Variants in PTPMT1 observed in about 807,000 individuals in gnomAD.
The protein encoded by PTPMT1 is protein tyrosine phosphatase mitochondrial 1, also known as phosphatidylglycerophosphatase and protein-tyrosine phosphatase 1.
Under a neutral mutation model 17.8 loss-of-function variants are expected in PTPMT1, and 12 were observed. That is an observed-to-expected ratio of 0.67 (90% CI 0.43 to 1.09). The LOEUF is 1.09. Among genes scored for constraint, PTPMT1 ranks in the 50% least tolerant of loss-of-function variants. The pLI is 0.00. For synonymous variants in PTPMT1, 132 were observed against 116.8 expected, an observed-to-expected ratio of 1.13 and a Z score of -0.84; for missense variants, 262 against 266.0, an observed-to-expected ratio of 0.99 and a Z score of 0.10.
chr11:47,568,737 G>A (rs757255780), intron 2 of PTPMT1, among the ~76,000 whole-genome samples: 28 of 151,974 alleles, frequency 1.8e-4, no homozygotes, highest in Non-Finnish European at 2.9e-5. Context: ...TGTCTCCCAG[G>A]CTGGAGTACA....
chr11:47,566,974 T>G, intron 2 of PTPMT1, among the ~76,000 whole-genome samples: 1 of 152,242 alleles, frequency 6.6e-6, no homozygotes, highest in Admixed American at 6.5e-5. Flanking sequence ...GATTTTTTTT[T>G]AATGTTGCCC....
Position 47,565,812 on chromosome 11 carries a change from G to A in PTPMT1, c.174+16G>A, listed in dbSNP as rs772090703. 40 of 1,586,076 alleles carry A rather than the reference G, an allele frequency of 2.5e-5. No individual in the cohort carries two copies. Among genetic ancestry groups the A allele is most frequent in the Middle Eastern group, 3.5e-4 (2 of 5,752 alleles). ...GACGCGCCAGGTGAGCCGGGCCGGGGAGCCCGGGCCCCTGCCCCGTCCCCG... is the reference window on the plus strand; with the variant it reads ...GACGCGCCAGGTGAGCCGGGCCGGGAAGCCCGGGCCCCTGCCCCGTCCCCG... On this transcript the variant is annotated intron_variant, in intron 1 of 3. Transcript: ENST00000326674.
Position 47,567,595 on chromosome 11 carries a change from C to G in PTPMT1, c.255+1609C>G, listed in dbSNP as rs181490694. The stretch of plus-strand genomic sequence containing the variant: ...TTTTTTTTTGAGATGGAGTCTCACT[C>G]CCTTGCCCAGGCTGGAGTGCAATGG... On this transcript the variant is annotated intron_variant, in intron 2 of 3. Coordinates refer to ENST00000326674, the MANE Select transcript of PTPMT1 (RefSeq NM_175732.3). Among the ~76,000 whole-genome samples, 805 of 133,356 alleles carry G rather than the reference C, an allele frequency of 6.0e-3. 8 individuals carry two copies. The highest frequency in any genetic ancestry group is 0.021 in the African/African-American group (758 of 36,578). The allele number at this position is 133,356 out of a possible 152,430, so 87.5% of individuals were successfully genotyped here.
Position 47,571,035 on chromosome 11 carries a change from A to G in PTPMT1, c.448-436A>G, listed in dbSNP as rs146751892. ...ATCCTTAGGACATGTTAACCCTCCT[A>G]TTTAAATTATGAGTTACTTGTTTTT... On this transcript the variant is annotated intron_variant, in intron 3 of 3. Transcript: ENST00000326674. Among the ~76,000 whole-genome samples, 290 of 152,302 alleles carry G rather than the reference A, an allele frequency of 1.9e-3. 1 individual carries two copies. The highest frequency in any genetic ancestry group is 0.014 in the Middle Eastern group (4 of 294).
At position 47,572,798 on chromosome 11, in the gene PTPMT1, C is replaced by T. The variant is rs1014615016; in HGVS notation, c.*1169C>T. On this transcript the variant is annotated 3_prime_UTR_variant, in exon 4 of 4. Transcript: ENST00000326674. The stretch of plus-strand genomic sequence containing the variant: ...CCCAAACAGAACACCTCCATGGATT[C>T]AGGGAAGGGCTGAGGCACTGCCTTT... 30 of 940,942 alleles carry T rather than the reference C, an allele frequency of 3.2e-5. No individual in the cohort carries two copies. The Admixed American group carries it at 7.7e-4, about 24-fold the overall frequency. The allele number at this position is 940,942 out of a possible 1,614,324, so 58.3% of individuals were successfully genotyped here. A position where few individuals can be genotyped will look rare whatever the true frequency, so the allele number is the denominator to read the frequency against.
Position 47,569,687 on chromosome 11 carries a change from G to A in PTPMT1, c.256-13G>A. On this transcript the variant is annotated splice_polypyrimidine_tract_variant and intron_variant, in intron 2 of 3. Transcript: ENST00000326674. ...TTTCATTCTCTTTTTCATACTGGTG[G>A]ACCTGGTTCCAGGAGTGGAAGAGAC... 1 of 1,589,688 alleles carries A rather than the reference G, an allele frequency of 6.3e-7. No individual in the cohort carries two copies. Among genetic ancestry groups the A allele is most frequent in the Non-Finnish European group, 8.6e-7 (1 of 1,167,166 alleles).
At chr11:47,565,864 G>C (rs867374844) in intron 1 of PTPMT1, 42 bp from the exon 2 acceptor site, 14 of 1,610,600 alleles carry the variant, frequency 8.7e-6, no homozygotes, top group African/African-American at 8.0e-5. Context: ...GGGCCGCTGG[G>C]GTCTCCACCG....
chr11:47,568,005 C>T (rs2097247245), intron 2 of PTPMT1, among the ~76,000 whole-genome samples: 2 of 151,996 alleles, frequency 1.3e-5, no homozygotes, highest in African/African-American at 4.8e-5. Context: ...CTGCAAGCTC[C>T]GCCTCCTGGG....
At chr11:47,571,408 G>A in intron 3 of PTPMT1, 63 bp from the exon 4 acceptor site, 1 of 1,522,572 alleles carries the variant, frequency 6.6e-7, no homozygotes, top group Non-Finnish European at 9.0e-7. Context: ...CTGCTCATGG[G>A]TCAAGGGCAC....
At chr11:47,570,300 T>G (rs1026960250) in intron 3 of PTPMT1, among the ~76,000 whole-genome samples, 18 of 152,242 alleles carry the variant, frequency 1.2e-4, no homozygotes, top group Admixed American at 7.8e-4. Flanking sequence ...GTGCTTGATT[T>G]CAGGCTGTTG....
chr11:47,573,331 C>T lies in PTPMT1; in HGVS notation c.*1702C>T, dbSNP rs777150629. On this transcript the variant is annotated 3_prime_UTR_variant, in exon 4 of 4. Transcript: ENST00000326674. The surrounding 1 kb of genome is among the most constrained non-coding windows in gnomAD (Gnocchi z 4.1). ...GTAAAGAAGTCCAGATCATTCTCCT[C>T]CCCCCCTAGTAAGTAGATGATCCCG... The T allele has an allele frequency of 2.5e-6, 4 of 1,614,046 alleles. No individual in the cohort carries two copies. The highest frequency in any genetic ancestry group is 3.4e-6 in the Non-Finnish European group (4 of 1,179,940).
chr11:47,565,895 T>G lies in PTPMT1; in HGVS notation c.175-11T>G, dbSNP rs1255580380. 2.2e-5 allele frequency: 36 copies of G among 1,612,454 alleles called. No homozygotes were observed. The highest frequency in any genetic ancestry group is 3.1e-5 in the Non-Finnish European group (36 of 1,179,546). ...CACCGTCTTTGCTGAGCCACCTCTT[T>G]GCCTCGGCAGCTGGTACAGGACGAG... On this transcript the variant is annotated splice_polypyrimidine_tract_variant and intron_variant, in intron 1 of 3. Coordinates refer to ENST00000326674, the MANE Select transcript of PTPMT1 (RefSeq NM_175732.3).
Position 47,569,751 on chromosome 11 carries a change from A to T in PTPMT1, c.307A>T (p.Thr103Ser). The change falls in exon 3 of 4, where the codon ACT (threonine) becomes TCT (serine). Residue 103 changes from threonine (T) to serine (S), a missense_variant. Thr to Ser is a moderately conservative substitution (Grantham distance 58). Transcript: ENST00000326674. The stretch of plus-strand genomic sequence containing the variant: ...GCTGCGGCTCAGCACAGTAGACATG[A>T]CTGGGATCCCCACCTTGGACAACCT... ...EQLRLSTVDM[T>S]GIPTLDNLQK... 2 of 1,613,988 alleles carry T rather than the reference A, an allele frequency of 1.2e-6. No individual in the cohort carries two copies. The highest frequency in any genetic ancestry group is 1.7e-6 in the Non-Finnish European group (2 of 1,179,980).
chr11:47,567,296 C>T (rs1273855879), intron 2 of PTPMT1, among the ~76,000 whole-genome samples: 1 of 151,660 alleles, frequency 6.6e-6, no homozygotes, highest in Non-Finnish European at 1.5e-5. Context: ...ATCCTAGCTA[C>T]TTGGGAGGCT....
Position 47,571,586 on chromosome 11 carries a change from CA to C in PTPMT1, c.564del (p.Arg189GlyfsTer27). On this transcript the variant is annotated frameshift_variant, in exon 4 of 4. Coordinates refer to ENST00000326674, the MANE Select transcript of PTPMT1 (RefSeq NM_175732.3). LOFTEE classifies it low-confidence loss of function (END_TRUNC). The stretch of plus-strand genomic sequence containing the variant: ...AAAGAGTTCCACAAGCAGATTACTG[CA>C]CGGGCAACAAAGGATGGGACTTTTG... ...VLKEFHKQIT[A>X]RATKDGTFVI... 6.2e-7 allele frequency: 1 copy of C among 1,613,954 alleles called. No homozygotes were observed. Among genetic ancestry groups the C allele is most frequent in the East Asian group, 2.2e-5 (1 of 44,858 alleles).
chr11:47,565,830 C>G (rs777069371), intron 1 of PTPMT1, 34 bp downstream of exon 1: 25 of 1,592,768 alleles, frequency 1.6e-5, no homozygotes, highest in Admixed American at 7.1e-5. Flanking sequence ...GCCCCTGCCC[C>G]GTCCCCGCCG....
At chr11:47,569,567 G>GC (rs2097248340) in intron 2 of PTPMT1, 133 bp from the exon 3 acceptor site, 1 of 583,830 alleles carries the variant, frequency 1.7e-6, no homozygotes, top group Admixed American at 3.7e-5. Flanking sequence ...TTAGAAAACA[G>GC]GCAACAGTGT....
At chr11:47,566,033 G>T in intron 2 of PTPMT1, 47 bp downstream of exon 2, 1 of 1,506,740 alleles carries the variant, frequency 6.6e-7, no homozygotes, top group Non-Finnish European at 8.9e-7. Context: ...GCTCCCCCTC[G>T]CCCACCGCCC....
At chr11:47,566,371 T>C (rs2097244345) in intron 2 of PTPMT1, among the ~76,000 whole-genome samples, 1 of 151,578 alleles carries the variant, frequency 6.6e-6, no homozygotes, top group Non-Finnish European at 1.5e-5. Flanking sequence ...TACTCCCAGC[T>C]ACTTGGGAGG....
Sources: allele counts gnomAD v4.1 joint callset (sites outside exome capture counted in the v4.1 genomes callset), GRCh38; gene constraint gnomAD v4.1.1; non-coding constraint Gnocchi (gnomAD v3.1); transcripts MANE v1.5; gene names NCBI Gene and HGNC (gene_info 2026-07-23, HGNC 2026-07-21).